SCYL3: variants seen among roughly 807,000 people sequenced by gnomAD.
SCYL3 encodes SCY1 like pseudokinase 3.
SCYL3 carries 35 observed loss-of-function variants against 73.8 expected under a neutral mutation model. The observed-to-expected ratio is 0.47, with a 90% CI of 0.36 to 0.63. The LOEUF (loss-of-function observed/expected upper bound fraction) is 0.63. SCYL3 is among the 20% of genes least tolerant of loss of function. The pLI, the probability that SCYL3 is intolerant of heterozygous loss-of-function variation, is 0.00. For missense variants in SCYL3, 712 were observed against 798.9 expected (o/e 0.89, Z 1.31); for synonymous variants, 277 against 295.2 (o/e 0.94, Z 0.63).
At chr1:169,866,838 T>C (rs774699832) in intron 8 of SCYL3, 58 bp downstream of exon 8, 2 of 937,130 alleles carry the variant, frequency 2.1e-6, no homozygotes, top group African/African-American at 1.7e-5. Context: ...ATACCTAAAG[T>C]GATTATATGG....
intron 10 of SCYL3, among the ~76,000 whole-genome samples, chr1:169,861,520 T>A (rs1193189227): frequency 6.6e-6 from 1 of 152,194 alleles, no homozygotes; most frequent in African/African-American, 2.4e-5. Context: ...GGGCCCCAGA[T>A]GACTGAAGAC....
intron 1 of SCYL3, among the ~76,000 whole-genome samples, chr1:169,892,762 A>T (rs1662173062): frequency 6.6e-6 from 1 of 152,172 alleles, no homozygotes; most frequent in Non-Finnish European, 1.5e-5. Flanking sequence ...GATTAAGAAA[A>T]CCCTTGTCTA....
Position 169,869,016 on chromosome 1 carries a change from A to T in SCYL3, c.649T>A (p.Phe217Ile). ...AAAGTTGAGTGCAAGGTCTGTTGAA[A>T]GCTGGAGAGAACATCCGCTGAAACT... is the stretch of plus-strand genomic sequence containing the variant. ...EQVSADVLSS[F>I]QQTLHSTLLN... The change falls in exon 7 of 13, where the codon TTT becomes ATT. Residue 217 changes from phenylalanine to isoleucine, a missense_variant. Phe to Ile is a conservative substitution (Grantham distance 21). Around this residue, in one of 2 missense-constraint regions of SCYL3, gnomAD observed 342 missense variants for 448.1 expected, o/e 0.76. Transcript: ENST00000367771. The T allele has an allele frequency of 6.2e-7, 1 of 1,614,116 alleles. No homozygotes were observed.
At position 169,866,951 on chromosome 1, in the gene SCYL3, T is replaced by G. The variant is rs765641189; in HGVS notation, c.760A>C (p.Asn254His). The G allele has an allele frequency of 9.4e-6, 15 of 1,590,782 alleles. No individual in the cohort carries two copies. The East Asian group carries it at 3.4e-4, about 36-fold the overall frequency. Reference sequence around the variant, plus strand: ...TTCAATGTTAAACTTTTCAAGAAATTCACAACTTCCAGAAAATCATTTCTA... The same window carrying G: ...TTCAATGTTAAACTTTTCAAGAAATGCACAACTTCCAGAAAATCATTTCTA... ...FFRNDFLEVV[N>H]FLKSLTLKSE... Residue 254 changes from asparagine to histidine, a missense_variant, in exon 8 of 13, where the codon AAT becomes CAT. This residue lies in a region of SCYL3 where 342 missense variants were observed against 448.1 expected (regional missense o/e 0.76). Coordinates refer to ENST00000367771, the MANE Select transcript of SCYL3 (RefSeq NM_020423.7).
intron 11 of SCYL3, 53 bp from the exon 12 acceptor site, chr1:169,855,017 A>ACTT: frequency 7.8e-7 from 1 of 1,286,282 alleles, no homozygotes; most frequent in South Asian, 1.4e-5. Flanking sequence ...TAAGAACTAC[A>ACTT]CTTATGGGAA....
At chr1:169,864,604 A>G (rs75326185) in intron 8 of SCYL3, 96 bp from the exon 9 acceptor site, 106 of 1,215,804 alleles carry the variant, frequency 8.7e-5, no homozygotes, top group Non-Finnish European at 1.2e-4. Context: ...TCTCACTTCT[A>G]TCAAAGTGAT....
intron 2 of SCYL3, among the ~76,000 whole-genome samples, chr1:169,887,731 T>C (rs1385965890): frequency 1.3e-5 from 2 of 152,220 alleles, no homozygotes; most frequent in Non-Finnish European, 2.9e-5. Flanking sequence ...TTACCCATCT[T>C]TTTCTTTAGG....
intron 2 of SCYL3, among the ~76,000 whole-genome samples, chr1:169,884,559 A>C (rs1661539075): frequency 6.6e-6 from 1 of 152,166 alleles, no homozygotes; most frequent in African/African-American, 2.4e-5. Flanking sequence ...CGGCCTCCCA[A>C]AGTGCTGGAC....
In SCYL3 at chr1:169,862,791, G is replaced by A. The variant is rs771522812; in HGVS notation, c.962C>T (p.Ala321Val). The A allele has an allele frequency of 2.5e-5, 40 of 1,612,958 alleles. No individual in the cohort carries two copies. Among genetic ancestry groups the A allele is most frequent in the Non-Finnish European group, 2.9e-5 (34 of 1,179,378 alleles). Residue 321 changes from alanine (A) to valine (V), a missense_variant, in exon 10 of 13, where the codon GCG becomes GTG. Physicochemically the swap from Ala to Val is moderately conservative, Grantham distance 64 (BLOSUM62 0). Around this residue, in one of 2 missense-constraint regions of SCYL3, gnomAD observed 342 missense variants for 448.1 expected, o/e 0.76. Transcript: ENST00000367771. ...PYLLGPKKDH[A>V]QGETPCLLSP... ...GAGCAAGCAAGGAGTTTCTCCCTGC[G>A]CATGATCTACCCGAAAAATCAAAGG...
Position 169,854,808 on chromosome 1 carries a change from T to C in SCYL3, c.1469A>G (p.Asn490Ser). 1.2e-6 allele frequency: 2 copies of C among 1,614,024 alleles called. No individual in the cohort carries two copies. The highest frequency in any genetic ancestry group is 1.7e-6 in the Non-Finnish European group (2 of 1,179,920). The part of the protein sequence containing the change: ...EPEEPENQTV[N>S]IQIWPREPCD... ...AGGTTCTCTAGGCCAAATCTGTATGTTGACAGTTTGATTTTCAGGCTCCTC... is the reference window on the plus strand; with the variant it reads ...AGGTTCTCTAGGCCAAATCTGTATGCTGACAGTTTGATTTTCAGGCTCCTC... The change falls in exon 12 of 13, where the codon AAC becomes AGC. Residue 490 changes from asparagine (N) to serine (S), a missense_variant. Physicochemically the swap from Asn to Ser is conservative, Grantham distance 46 (BLOSUM62 1). Around this residue, in one of 2 missense-constraint regions of SCYL3, gnomAD observed 370 missense variants for 350.8 expected, o/e 1.05. Coordinates refer to ENST00000367771, the MANE Select transcript of SCYL3 (RefSeq NM_020423.7).
chr1:169,867,344 A>G (rs1488736193), intron 7 of SCYL3, among the ~76,000 whole-genome samples: 2 of 152,358 alleles, frequency 1.3e-5, no homozygotes, highest in East Asian at 3.9e-4. Context: ...TCCTTTGATG[A>G]AATAAAAACT....
intron 3 of SCYL3, among the ~76,000 whole-genome samples, chr1:169,878,274 G>A (rs1660995708): frequency 6.6e-6 from 1 of 152,142 alleles, no homozygotes; most frequent in African/African-American, 2.4e-5. Flanking sequence ...AAACAAATAG[G>A]AACTTTGGTC....
At chr1:169,882,783 GC>G (rs1661385659) in intron 2 of SCYL3, among the ~76,000 whole-genome samples, 3 of 152,198 alleles carry the variant, frequency 2.0e-5, no homozygotes, top group Admixed American at 2.0e-4. Context: ...TCTGTATCTA[GC>G]TAATCTGGTG....
rs770691014 is a variant in SCYL3 at position 169,852,979 on chromosome 1, C to T, written c.*734G>A. The T allele has an allele frequency of 1.2e-6, 2 of 1,613,744 alleles. No individual in the cohort carries two copies. Among genetic ancestry groups the T allele is most frequent in the South Asian group, 1.1e-5 (1 of 91,072 alleles). The stretch of plus-strand genomic sequence containing the variant: ...TAAGCTAAAACGTTACATACATACT[C>T]TAGGGTGAAACTTATCACTAGGCAG... On this transcript the variant is annotated 3_prime_UTR_variant, in exon 13 of 13. Coordinates refer to ENST00000367771, the MANE Select transcript of SCYL3 (RefSeq NM_020423.7).
intron 2 of SCYL3, among the ~76,000 whole-genome samples, chr1:169,880,630 G>T (rs993053504): frequency 6.6e-6 from 1 of 150,808 alleles, no homozygotes; most frequent in Non-Finnish European, 1.5e-5. Flanking sequence ...CTTGCCAGAA[G>T]ACCTGCTATA....
At chr1:169,886,089 G>C (rs541813918) in intron 2 of SCYL3, among the ~76,000 whole-genome samples, 1 of 152,316 alleles carries the variant, frequency 6.6e-6, no homozygotes, top group South Asian at 2.1e-4. Flanking sequence ...GAGGAAGGCG[G>C]ATCACGAGGT....
chr1:169,860,079 A>C (rs1659505593), intron 10 of SCYL3: 1 of 152,260 alleles, frequency 6.6e-6, no homozygotes, highest in African/African-American at 2.4e-5. Context: ...ATGAGGACAG[A>C]AAACTTGGAA....
chr1:169,891,384 C>T (rs911952097), intron 1 of SCYL3, among the ~76,000 whole-genome samples: 1 of 152,222 alleles, frequency 6.6e-6, no homozygotes, highest in Non-Finnish European at 1.5e-5. Context: ...ATCCCATTGA[C>T]ACCCTTACAA....
At chr1:169,867,456 G>A (rs1483376559) in intron 7 of SCYL3, among the ~76,000 whole-genome samples, 1 of 152,184 alleles carries the variant, frequency 6.6e-6, no homozygotes, top group Non-Finnish European at 1.5e-5. Flanking sequence ...GGATTAGTGT[G>A]AGAGGAGTGG....
Sources: allele counts gnomAD v4.1 joint callset (sites outside exome capture counted in the v4.1 genomes callset), GRCh38; gene constraint gnomAD v4.1.1; regional missense constraint gnomAD v4.1.1; transcripts MANE v1.5; gene names NCBI Gene and HGNC (gene_info 2026-07-23, HGNC 2026-07-21).